Variants in ANK3 observed in about 807,000 individuals in gnomAD.
ANK3 encodes the protein ankyrin 3, also known as ankyrin-3.
ANK3 carries 57 observed loss-of-function variants against 370.9 expected under a neutral mutation model. The ratio of observed to expected loss-of-function variants is 0.15; its 90% CI spans 0.12 to 0.19. The LOEUF is 0.19. ANK3 is among the 10% of genes least tolerant of loss of function. The pLI is 1.00. For missense variants in ANK3, 4,439 were observed against 5,302.1 expected, an observed-to-expected ratio of 0.84 and a Z score of 5.06; for synonymous variants, 1,929 against 1,946.3, an observed-to-expected ratio of 0.99 and a Z score of 0.23.
chr10:60,238,175 C>T (rs1445585655), intron 7 of ANK3, among the ~76,000 whole-genome samples: 2 of 152,190 alleles, frequency 1.3e-5, no homozygotes, highest in Admixed American at 1.3e-4. Flanking sequence ...TTTGATTCCT[C>T]AGCTAACCAA....
At chr10:60,255,506 G>C (rs2097721492) in intron 7 of ANK3, among the ~76,000 whole-genome samples, 1 of 152,204 alleles carries the variant, frequency 6.6e-6, no homozygotes, top group South Asian at 2.1e-4. Context: ...ATAGCAAATA[G>C]AGTGTGCAAA....
At chr10:60,381,960 G>A (rs1393889817) in intron 1 of ANK3, among the ~76,000 whole-genome samples, 2 of 152,030 alleles carry the variant, frequency 1.3e-5, no homozygotes, top group Admixed American at 1.3e-4. Context: ...CTTATTGCTT[G>A]CCTGTTTTAT....
chr10:60,635,233 T>C (rs1488224610), intron 1 of ANK3, among the ~76,000 whole-genome samples: 1 of 152,168 alleles, frequency 6.6e-6, no homozygotes, highest in Non-Finnish European at 1.5e-5. Flanking sequence ...TAAAAGGTGG[T>C]TACACCTAAA....
intron 26 of ANK3, 124 bp downstream of exon 26, chr10:60,114,101 A>C: frequency 2.3e-6 from 1 of 444,266 alleles, no homozygotes; most frequent in Non-Finnish European, 4.0e-6. Flanking sequence ...ATACTAATGA[A>C]TATACATTTC....
intron 2 of ANK3, among the ~76,000 whole-genome samples, chr10:60,427,937 A>G (rs2063926671): frequency 6.6e-6 from 1 of 152,144 alleles, no homozygotes; most frequent in African/African-American, 2.4e-5. Context: ...ATGCACAGTT[A>G]CTAGGGAGCA....
intron 21 of ANK3, 100 bp from the exon 22 acceptor site, chr10:60,166,996 G>T: frequency 1.0e-6 from 1 of 983,088 alleles, no homozygotes; most frequent in Non-Finnish European, 1.6e-6. Flanking sequence ...TGGAATGTAT[G>T]TGTTGAATAT....
intron 7 of ANK3, among the ~76,000 whole-genome samples, chr10:60,240,050 TATATACAC>T (rs1423267186): frequency 1.3e-3 from 90 of 67,978 alleles, no homozygotes; most frequent in Middle Eastern, 6.6e-3. Context: ...TATATATACA[TATATACAC>T]ATATATACAT....
At chr10:60,195,382 TCCCTC>T in intron 16 of ANK3, among the ~76,000 whole-genome samples, 1 of 102,378 alleles carries the variant, frequency 9.8e-6, no homozygotes, top group East Asian at 2.6e-4. Flanking sequence ...AGTCTCCGTC[TCCCTC>T]CAAAAAAAAA....
intron 23 of ANK3, among the ~76,000 whole-genome samples, chr10:60,151,040 C>T (rs2095088043): frequency 6.6e-6 from 1 of 152,004 alleles, no homozygotes; most frequent in South Asian, 2.1e-4. Flanking sequence ...ACTAATAGTA[C>T]TTTAAATTAG....
intron 25 of ANK3, among the ~76,000 whole-genome samples, chr10:60,114,759 C>T (rs1221785377): frequency 6.6e-6 from 1 of 152,186 alleles, no homozygotes; most frequent in African/African-American, 2.4e-5. Context: ...CAGCCTAGTG[C>T]TTCTTCCAAG....
At chr10:60,108,151 T>C (rs1223646465) in intron 27 of ANK3, 20 of 386,140 alleles carry the variant, frequency 5.2e-5, no homozygotes, top group Non-Finnish European at 9.7e-5. Flanking sequence ...AAAAAAAAAA[T>C]TGTAGACATT....
intron 1 of ANK3, among the ~76,000 whole-genome samples, chr10:60,669,506 C>A (rs568862528): frequency 1.3e-5 from 2 of 152,280 alleles, no homozygotes; most frequent in African/African-American, 4.8e-5. Flanking sequence ...TCCATCCTCA[C>A]CACTTCACTG....
At chr10:60,615,946 G>T (rs983355985) in intron 1 of ANK3, among the ~76,000 whole-genome samples, 19 of 152,116 alleles carry the variant, frequency 1.2e-4, no homozygotes, top group Non-Finnish European at 2.8e-4. Context: ...AGTAATATGT[G>T]CAATATGCAA....
intron 2 of ANK3, among the ~76,000 whole-genome samples, chr10:60,522,958 T>A (rs150017629): frequency 6.6e-6 from 1 of 152,060 alleles, no homozygotes; most frequent in Admixed American, 6.6e-5. Flanking sequence ...GTCAATTGAA[T>A]CTTCATAGAT....
intron 1 of ANK3, among the ~76,000 whole-genome samples, chr10:60,328,545 T>C (rs371822783): frequency 2.0e-5 from 3 of 152,076 alleles, no homozygotes; most frequent in Non-Finnish European, 2.9e-5. Flanking sequence ...CTAGAAGAAA[T>C]GGATAAATTC....
At chr10:60,377,684 T>C (rs1382230287) in intron 1 of ANK3, among the ~76,000 whole-genome samples, 1 of 152,194 alleles carries the variant, frequency 6.6e-6, no homozygotes, top group African/African-American at 2.4e-5. Flanking sequence ...AATGCATGAA[T>C]CTTATATGAC....
chr10:60,231,490 C>A lies in ANK3; in HGVS notation c.897+3198G>T, dbSNP rs531136062. 6.6e-5 allele frequency among the ~76,000 whole-genome samples: 10 copies of A among 152,234 alleles called. No individual in the cohort carries two copies. The South Asian group carries it at 2.1e-3, about 32-fold the overall frequency. On this transcript the variant is annotated intron_variant, in intron 8 of 43. Coordinates refer to ENST00000280772, the MANE Select transcript of ANK3 (RefSeq NM_020987.5). ...ACAATAGTAAGTACTTGGTGGGAGGCAGATGGATAGATAACGGTATCTATT... is the reference window on the plus strand; with the variant it reads ...ACAATAGTAAGTACTTGGTGGGAGGAAGATGGATAGATAACGGTATCTATT...
intron 18 of ANK3, among the ~76,000 whole-genome samples, chr10:60,176,048 T>A (rs1451420426): frequency 6.6e-6 from 1 of 151,816 alleles, no homozygotes; most frequent in Non-Finnish European, 1.5e-5. Flanking sequence ...TAGGAAAAGA[T>A]CAGGCCGGGT....
chr10:60,391,664 A>G (rs915065007), upstream of ANK3, among the ~76,000 whole-genome samples: 13 of 152,232 alleles, frequency 8.5e-5, no homozygotes, highest in African/African-American at 3.1e-4. Context: ...ATACTTTAAA[A>G]TATATTTAGA....
Sources: gnomAD v4.1 joint callset for allele counts (sites outside exome capture counted in the v4.1 genomes callset) on GRCh38, gnomAD v4.1.1 for gene constraint, MANE v1.5 for transcripts, NCBI Gene and HGNC (gene_info 2026-07-23, HGNC 2026-07-21) for gene names.